Variants in PPP6R3 observed in about 807,000 individuals in gnomAD.
PPP6R3 encodes the protein serine/threonine-protein phosphatase 6 regulatory subunit 3.
A neutral mutation model predicts 110.7 loss-of-function variants in PPP6R3; 38 were observed. The observed-to-expected ratio is 0.34, with a 90% CI of 0.26 to 0.45. PPP6R3 has a LOEUF of 0.45. Among genes scored for constraint, PPP6R3 ranks in the 20% least tolerant of loss-of-function variants. PPP6R3 has a pLI of 1.00. For missense variants in PPP6R3, 870 were observed against 1,062.4 expected (o/e 0.82, Z 2.52); for synonymous variants, 369 against 373.5 (o/e 0.99, Z 0.14).
intron 1 of PPP6R3, among the ~76,000 whole-genome samples, chr11:68,506,414 C>CAAAAAAAAAAAAAAAATAAAAA (rs2099077223): frequency 2.2e-5 from 1 of 46,048 alleles, no homozygotes; most frequent in Non-Finnish European, 4.3e-5. Flanking sequence ...CCTTTATACT[C>CAAAAAAAAAAAAAAAATAAAAA]AAAAAAAAAA....
chr11:68,466,157 G>T (rs1003715447), intron 1 of PPP6R3, among the ~76,000 whole-genome samples: 1 of 152,218 alleles, frequency 6.6e-6, no homozygotes, highest in Non-Finnish European at 1.5e-5. Flanking sequence ...CTGCATTATG[G>T]ATCTAGGTTG....
At chr11:68,574,281 G>A in intron 13 of PPP6R3, 57 bp downstream of exon 13, 2 of 1,384,126 alleles carry the variant, frequency 1.4e-6, no homozygotes, top group Non-Finnish European at 2.0e-6. Context: ...AAGGATTTAA[G>A]GGTCAAGTAG....
At chr11:68,522,417 G>C (rs1173079930) in intron 2 of PPP6R3, 1 of 152,262 alleles carries the variant, frequency 6.6e-6, no homozygotes, top group Non-Finnish European at 1.5e-5. Flanking sequence ...GTCAGCCATT[G>C]AGACTTCAGC....
At chr11:68,500,846 A>G (rs894461873) in intron 1 of PPP6R3, among the ~76,000 whole-genome samples, 9 of 152,198 alleles carry the variant, frequency 5.9e-5, no homozygotes, top group African/African-American at 2.2e-4. Flanking sequence ...ATGTGGAGCT[A>G]AACTGAAATT....
chr11:68,498,704 A>G (rs375398272), intron 1 of PPP6R3, among the ~76,000 whole-genome samples: 7 of 152,240 alleles, frequency 4.6e-5, no homozygotes, highest in East Asian at 1.9e-4. Flanking sequence ...AAATTTTGTC[A>G]TATGAAATTG....
chr11:68,576,141 CT>C, intron 14 of PPP6R3, 98 bp downstream of exon 14: 1 of 851,156 alleles, frequency 1.2e-6, no homozygotes. Context: ...ACCTCAGTAA[CT>C]GTGAGCCAAA....
intron 2 of PPP6R3, among the ~76,000 whole-genome samples, chr11:68,527,308 C>G (rs1565614230): frequency 6.6e-6 from 1 of 152,150 alleles, no homozygotes; most frequent in Admixed American, 6.5e-5. Context: ...TCATTAGGCT[C>G]ACCCCTCTCC....
intron 1 of PPP6R3, among the ~76,000 whole-genome samples, chr11:68,487,530 A>G (rs10896330): frequency 0.25 from 37,852 of 151,650 alleles, 4,972 homozygotes; most frequent in Middle Eastern, 0.33. Flanking sequence ...AGATTGCACC[A>G]CTGCACTCCA....
chr11:68,487,146 T>G (rs1236428734), intron 1 of PPP6R3, among the ~76,000 whole-genome samples: 1 of 152,250 alleles, frequency 6.6e-6, no homozygotes, highest in Non-Finnish European at 1.5e-5. Context: ...TCTGGTTTCC[T>G]AAGATAGAAG....
At chr11:68,513,236 A>C (rs1275446194) in intron 1 of PPP6R3, among the ~76,000 whole-genome samples, 2 of 151,996 alleles carry the variant, frequency 1.3e-5, no homozygotes, top group South Asian at 2.1e-4. Context: ...TCCCCGCATA[A>C]ATCCCCTCTC....
chr11:68,571,099 G>T lies in PPP6R3; in HGVS notation c.1338G>T (p.Lys446Asn). Residue 446 changes from lysine to asparagine, a missense_variant, in exon 12 of 24, where the codon AAG becomes AAT. Transcript: ENST00000393800. ...RILEAWEMNE[K>N]KQAEGGRRHG... ...TTGAAGCCTGGGAAATGAATGAGAA[G>T]AAACAGTAAGTAAATTGTTTTTTTG... is the stretch of plus-strand genomic sequence containing the variant. 1.3e-6 allele frequency: 2 copies of T among 1,594,246 alleles called. No individual in the cohort carries two copies. The highest frequency in any genetic ancestry group is 1.7e-6 in the Non-Finnish European group (2 of 1,173,668).
chr11:68,548,192 A>G lies in PPP6R3; in HGVS notation c.540A>G (p.Gln180=). The part of the protein sequence containing the change: ...LTCIEPPQPR[Q]DVLNWLNEEK... The stretch of plus-strand genomic sequence containing the variant: ...GTATCGAACCTCCACAGCCCAGGCA[A>G]GATGTGCTGAATGTGAGTAGAATTC... The change falls in exon 5 of 24, where the codon CAA becomes CAG. Residue 180 remains glutamine (Q), a synonymous_variant. Coordinates refer to ENST00000393800, the MANE Select transcript of PPP6R3 (RefSeq NM_001164161.2). 1 of 1,614,102 alleles carries G rather than the reference A, an allele frequency of 6.2e-7. No individual in the cohort carries two copies. Among genetic ancestry groups the G allele is most frequent in the Non-Finnish European group, 8.5e-7 (1 of 1,179,992 alleles).
chr11:68,501,651 G>T (rs1244701300), intron 1 of PPP6R3, among the ~76,000 whole-genome samples: 2 of 152,202 alleles, frequency 1.3e-5, no homozygotes, highest in Non-Finnish European at 2.9e-5. Flanking sequence ...TAAAATGCGT[G>T]TGTATCCAGA....
At chr11:68,516,648 A>G (rs1197933041) in intron 1 of PPP6R3, among the ~76,000 whole-genome samples, 1 of 152,232 alleles carries the variant, frequency 6.6e-6, no homozygotes, top group Non-Finnish European at 1.5e-5. Context: ...TAATGCTGCC[A>G]TGAACACAGG....
At chr11:68,530,680 A>G (rs2099233759) in intron 2 of PPP6R3, among the ~76,000 whole-genome samples, 1 of 152,208 alleles carries the variant, frequency 6.6e-6, no homozygotes, top group African/African-American at 2.4e-5. Context: ...GCTCAGAAAC[A>G]CTTGGATTAA....
chr11:68,496,981 C>T (rs1428715455), intron 1 of PPP6R3, among the ~76,000 whole-genome samples: 1 of 150,586 alleles, frequency 6.6e-6, no homozygotes, highest in Non-Finnish European at 1.5e-5. Flanking sequence ...CTTGCTTCAA[C>T]CTCGCGAGTA....
intron 14 of PPP6R3, among the ~76,000 whole-genome samples, 166 bp downstream of exon 14, chr11:68,576,209 C>T (rs1345044683): frequency 6.6e-6 from 1 of 152,128 alleles, no homozygotes; most frequent in Non-Finnish European, 1.5e-5. Flanking sequence ...TATTCTTGCC[C>T]ATTTGTCTAG....
At chr11:68,467,611 G>A (rs2098757601) in intron 1 of PPP6R3, among the ~76,000 whole-genome samples, 1 of 152,200 alleles carries the variant, frequency 6.6e-6, no homozygotes, top group Non-Finnish European at 1.5e-5. Flanking sequence ...AATCAGGGCA[G>A]TTCACACTGC....
chr11:68,533,938 T>TA (rs1216248181), intron 2 of PPP6R3, among the ~76,000 whole-genome samples: 1 of 152,108 alleles, frequency 6.6e-6, no homozygotes, highest in East Asian at 1.9e-4. Context: ...GGCAGGAACT[T>TA]ACAGCAGTAG....
Sources: allele counts gnomAD v4.1 joint callset (sites outside exome capture counted in the v4.1 genomes callset), GRCh38; gene constraint gnomAD v4.1.1; transcripts MANE v1.5; gene names NCBI Gene and HGNC (gene_info 2026-07-23, HGNC 2026-07-21).